DIAPH3: variants seen among roughly 807,000 people sequenced by gnomAD.
The protein encoded by DIAPH3 is diaphanous related formin 3.
In DIAPH3, 117 loss-of-function variants were observed where a neutral mutation model predicts 144.3. The observed-to-expected ratio is 0.81, with a 90% CI of 0.70 to 0.95. The LOEUF (loss-of-function observed/expected upper bound fraction) is 0.95, where lower values mean the gene tolerates loss of function less well. DIAPH3 is among the 40% of genes least tolerant of loss of function. The probability of loss-of-function intolerance (pLI) is 0.00; values close to 1 mark genes in which losing one functional copy is unlikely to be tolerated. For synonymous variants in DIAPH3, 519 were observed against 488.9 expected, an observed-to-expected ratio of 1.06 and a Z score of -0.81; for missense variants, 1,421 against 1,412.7, an observed-to-expected ratio of 1.01 and a Z score of -0.09.
At chr13:59,793,542 T>C (rs1396408711) in intron 25 of DIAPH3, among the ~76,000 whole-genome samples, 2 of 152,226 alleles carry the variant, frequency 1.3e-5, no homozygotes, top group Non-Finnish European at 1.5e-5. Flanking sequence ...CCATTCCTTT[T>C]TGAAATGGTC....
intron 3 of DIAPH3, among the ~76,000 whole-genome samples, chr13:60,111,230 G>C (rs745615250): frequency 6.6e-6 from 1 of 152,120 alleles, no homozygotes; most frequent in African/African-American, 2.4e-5. Context: ...AGAGGCAAAG[G>C]CTAACCAGAA....
At chr13:59,915,104 CAAGTATT>C (rs1278213529) in intron 19 of DIAPH3, among the ~76,000 whole-genome samples, 2 of 151,846 alleles carry the variant, frequency 1.3e-5, no homozygotes, top group Non-Finnish European at 2.9e-5. Context: ...GAAATACAAA[CAAGTATT>C]AAGTAGAAAA....
intron 25 of DIAPH3, among the ~76,000 whole-genome samples, chr13:59,781,704 T>C (rs1566300672): frequency 6.6e-6 from 1 of 152,202 alleles, no homozygotes; most frequent in Non-Finnish European, 1.5e-5. Context: ...TATGTACAAA[T>C]ACTAAACAAA....
intron 4 of DIAPH3, among the ~76,000 whole-genome samples, chr13:60,050,714 A>G (rs1234026769): frequency 6.6e-6 from 1 of 152,176 alleles, no homozygotes; most frequent in Non-Finnish European, 1.5e-5. Flanking sequence ...TTTTATTCTG[A>G]GTGGGATGGA....
chr13:59,710,584 C>T (rs557360245), intron 27 of DIAPH3, among the ~76,000 whole-genome samples: 148 of 152,304 alleles, frequency 9.7e-4, no homozygotes, highest in African/African-American at 3.5e-3. Context: ...TGGCAACAGA[C>T]TGGGTTGCCA....
chr13:59,796,428 T>C (rs545360648), intron 25 of DIAPH3, among the ~76,000 whole-genome samples: 1 of 152,296 alleles, frequency 6.6e-6, no homozygotes, highest in South Asian at 2.1e-4. Context: ...GGATTGAGTA[T>C]TTGTCAGGGA....
At chr13:60,152,369 T>C (rs1951828396) in intron 1 of DIAPH3, among the ~76,000 whole-genome samples, 1 of 152,008 alleles carries the variant, frequency 6.6e-6, no homozygotes, top group Non-Finnish European at 1.5e-5. Context: ...ACTTGGTACA[T>C]TAATTCATAG....
At chr13:59,933,977 T>G (rs1391511033) in intron 17 of DIAPH3, among the ~76,000 whole-genome samples, 1 of 152,194 alleles carries the variant, frequency 6.6e-6, no homozygotes, top group African/African-American at 2.4e-5. Flanking sequence ...TCATTTTCCA[T>G]TATGTACTAA....
At chr13:59,919,592 T>C (rs1338298325) in intron 18 of DIAPH3, among the ~76,000 whole-genome samples, 3 of 151,690 alleles carry the variant, frequency 2.0e-5, no homozygotes, top group African/African-American at 7.3e-5. Flanking sequence ...AGAGATAGAG[T>C]TTCCCAGACA....
rs760630764 is a variant in DIAPH3, at chr13:59,983,809, T to C, written c.1440A>G (p.Thr480=). 1.2e-6 allele frequency: 2 copies of C among 1,609,590 alleles called. No homozygotes were observed. Among genetic ancestry groups the C allele is most frequent in the African/African-American group, 1.3e-5 (1 of 74,788 alleles). The part of the protein sequence containing the change: ...LHRDGMDPDF[T]YRKRLDLDLT... ...AATCTAAATCTAGTCTTTTTCGATA[T>C]GTGAAGTCTGGATCCATTCCATCTC... Residue 480 remains threonine, a synonymous_variant, in exon 13 of 28, where the codon ACA becomes ACG. Transcript: ENST00000400324.
Position 59,974,604 on chromosome 13 carries a change from T to A in DIAPH3, c.1546-148A>T, listed in dbSNP as rs74084488. 7.4e-4 allele frequency: 553 copies of A among 752,352 alleles called. 1 individual carries two copies. The African/African-American group carries it at 8.8e-3, about 12-fold the overall frequency. 46.6% of individuals were successfully genotyped at this position (752,352 alleles called of 1,614,324 possible). A position where few individuals can be genotyped will look rare whatever the true frequency, so the allele number is the denominator to read the frequency against. ...AAAGGAGTGATAGAGTTTTGAAAAG[T>A]CACTTACAGTCTTTCTCTAGGCCCC... On this transcript the variant is annotated intron_variant, in intron 14 of 27. Coordinates refer to ENST00000400324, the MANE Select transcript of DIAPH3 (RefSeq NM_001042517.2).
At chr13:59,803,205 C>A (rs955665060) in intron 25 of DIAPH3, among the ~76,000 whole-genome samples, 8 of 151,982 alleles carry the variant, frequency 5.3e-5, no homozygotes, top group African/African-American at 1.7e-4. Context: ...GTGATAAGAT[C>A]AAAAGAACTG....
chr13:59,727,541 T>C (rs1043232718), intron 27 of DIAPH3, among the ~76,000 whole-genome samples: 1 of 152,206 alleles, frequency 6.6e-6, no homozygotes, highest in African/African-American at 2.4e-5. Context: ...TCTCTGTGTC[T>C]AAAGTTCCTC....
chr13:59,879,192 T>G (rs1207841687), intron 21 of DIAPH3, 37 bp downstream of exon 21: 1 of 1,613,058 alleles, frequency 6.2e-7, no homozygotes, highest in East Asian at 2.2e-5. Flanking sequence ...AGAGCAAGTG[T>G]TCAGGCAAAT....
intron 19 of DIAPH3, among the ~76,000 whole-genome samples, chr13:59,914,604 A>G (rs1023037687): frequency 6.6e-6 from 1 of 152,206 alleles, no homozygotes; most frequent in Non-Finnish European, 1.5e-5. Flanking sequence ...GTAATCAAAA[A>G]GTTCTTATAA....
intron 7 of DIAPH3, chr13:60,013,442 T>TG (rs758611063): frequency 6.5e-6 from 1 of 152,882 alleles, no homozygotes; most frequent in Non-Finnish European, 1.5e-5. Flanking sequence ...ACCCGCACCT[T>TG]GGGTGCACTC....
At chr13:59,789,549 G>A (rs2039221295) in intron 25 of DIAPH3, among the ~76,000 whole-genome samples, 1 of 152,152 alleles carries the variant, frequency 6.6e-6, no homozygotes, top group African/African-American at 2.4e-5. Context: ...AGAAGGGGAA[G>A]GAGCTAGAGA....
chr13:59,956,000 T>G (rs896015692), intron 17 of DIAPH3, among the ~76,000 whole-genome samples: 6 of 152,158 alleles, frequency 3.9e-5, no homozygotes, highest in South Asian at 2.1e-4. Context: ...GCATTCAAGA[T>G]GTGACTTGGG....
intron 25 of DIAPH3, among the ~76,000 whole-genome samples, chr13:59,802,520 G>C (rs1029286864): frequency 1.8e-4 from 26 of 144,588 alleles, no homozygotes; most frequent in African/African-American, 6.6e-4. Flanking sequence ...ACACAGACTG[G>C]TCATTTTGCA....
Sources: gnomAD v4.1 joint callset for allele counts (sites outside exome capture counted in the v4.1 genomes callset) on GRCh38, gnomAD v4.1.1 for gene constraint, MANE v1.5 for transcripts, NCBI Gene and HGNC (gene_info 2026-07-23, HGNC 2026-07-21) for gene names.